Variants in RPS6KA6 observed in about 807,000 individuals in gnomAD.
The protein encoded by RPS6KA6 is ribosomal protein S6 kinase A6.
A neutral mutation model predicts 65.4 loss-of-function variants in RPS6KA6; 27 were observed. That is an observed-to-expected ratio of 0.41 (90% CI 0.30 to 0.57). The LOEUF is 0.57. Ranked by LOEUF, RPS6KA6 falls within the 20% of genes least tolerant of loss-of-function variation. The pLI is 0.24. For missense variants in RPS6KA6, 486 were observed against 555.6 expected (o/e 0.87, Z 1.26); for synonymous variants, 190 against 184.2 (o/e 1.03, Z -0.26).
At chrX:84,180,571 T>A (rs1197973048) in intron 1 of RPS6KA6, among the ~76,000 whole-genome samples, 1 of 111,993 alleles carries the variant, frequency 8.9e-6, no homozygotes, top group African/African-American at 3.2e-5. Flanking sequence ...TAATTCCTTA[T>A]TTTATTTTTC....
At chrX:84,125,434 T>C (rs2034763741) in intron 8 of RPS6KA6, among the ~76,000 whole-genome samples, 1 of 111,886 alleles carries the variant, frequency 8.9e-6, no homozygotes, top group Non-Finnish European at 1.9e-5. Context: ...TTTATCAGGT[T>C]TTTTTGCATG....
chrX:84,116,962 GA>G (rs2034580317), intron 11 of RPS6KA6, 97 bp downstream of exon 11: 1 of 528,646 alleles, frequency 1.9e-6, no homozygotes, highest in Non-Finnish European at 3.0e-6. Context: ...TCTACGTATA[GA>G]AGTAATGTGC....
intron 20 of RPS6KA6, among the ~76,000 whole-genome samples, chrX:84,070,410 G>A (rs1295158642): frequency 9.0e-6 from 1 of 110,534 alleles, no homozygotes; most frequent in Admixed American, 9.7e-5. Context: ...AGGGAGAAGG[G>A]GAGGGAGAGC....
rs187825059 is a variant in RPS6KA6 at position 84,138,158 on chromosome X, T to G, written c.502-2948A>C. 1.2e-4 allele frequency among the ~76,000 whole-genome samples: 14 copies of G among 112,172 alleles called. No individual in the cohort carries two copies. In the East Asian group the frequency reaches 3.9e-3, roughly 31 times the overall value. ...AATACTGTTTATTGAACAACCTCTT[T>G]GCCACAATTTGTGATTCTTCCTTTA... On this transcript the variant is annotated intron_variant, in intron 6 of 21. Transcript: ENST00000262752.
At chrX:84,155,747 C>A (rs909956689) in intron 3 of RPS6KA6, among the ~76,000 whole-genome samples, 2 of 112,059 alleles carry the variant, frequency 1.8e-5, no homozygotes, top group African/African-American at 6.5e-5. Context: ...TGTATTCATG[C>A]CAGCATGGGA....
In RPS6KA6 at chrX:84,160,600, A is replaced by G. The variant is rs751546576; in HGVS notation, c.141+3728T>C. 7.2e-5 allele frequency among the ~76,000 whole-genome samples: 8 copies of G among 111,811 alleles called. No individual in the cohort carries two copies. The South Asian group carries it at 3.0e-3, about 41-fold the overall frequency. On this transcript the variant is annotated intron_variant, in intron 2 of 21. Coordinates refer to ENST00000262752, the MANE Select transcript of RPS6KA6 (RefSeq NM_014496.5). The stretch of plus-strand genomic sequence containing the variant: ...AACTTGTTCATTTTTATTTAATAAT[A>G]AAACATTCATCTATTCAAACATCAG...
chrX:84,139,760 A>C (rs1007451554), intron 6 of RPS6KA6, among the ~76,000 whole-genome samples: 1 of 112,486 alleles, frequency 8.9e-6, no homozygotes, highest in African/African-American at 3.2e-5. Context: ...AAAAATCTAA[A>C]ACACAGGACA....
At chrX:84,164,443 C>A in intron 1 of RPS6KA6, 56 bp from the exon 2 acceptor site, 3 of 850,649 alleles carry the variant, frequency 3.5e-6, no homozygotes, top group Non-Finnish European at 5.2e-6. Flanking sequence ...AGAGTGATAA[C>A]TAAGAAAAAT....
intron 20 of RPS6KA6, among the ~76,000 whole-genome samples, chrX:84,067,644 G>C (rs1338178196): frequency 8.9e-6 from 1 of 111,861 alleles, no homozygotes; most frequent in African/African-American, 3.3e-5. Context: ...ACGATTGACT[G>C]ATGTACCTGA....
At chrX:84,106,325 T>C (rs748402960) in intron 15 of RPS6KA6, 40 bp downstream of exon 15, 1 of 1,154,603 alleles carries the variant, frequency 8.7e-7, no homozygotes, top group Non-Finnish European at 1.2e-6. Context: ...TTAAATTACA[T>C]GCATAAAACA....
intron 20 of RPS6KA6, among the ~76,000 whole-genome samples, chrX:84,093,409 T>C (rs1311037497): frequency 8.9e-6 from 1 of 111,971 alleles, no homozygotes; most frequent in Non-Finnish European, 1.9e-5. Flanking sequence ...GTACATGAGA[T>C]AGTTTCTTAA....
chrX:84,187,363 C>T (rs765811856), intron 1 of RPS6KA6: 21 of 116,844 alleles, frequency 1.8e-4, no homozygotes, highest in Non-Finnish European at 3.2e-4. Context: ...TACTTAGTCA[C>T]CTTGGTGTGT....
chrX:84,128,216 A>G (rs1443032102), intron 8 of RPS6KA6, among the ~76,000 whole-genome samples: 1 of 111,563 alleles, frequency 9.0e-6, no homozygotes, highest in Non-Finnish European at 1.9e-5. Flanking sequence ...TGCCACTTAC[A>G]ATAGCTAAAA....
chrX:84,172,199 A>G (rs2035694894), intron 1 of RPS6KA6, among the ~76,000 whole-genome samples: 1 of 112,137 alleles, frequency 8.9e-6, no homozygotes, highest in African/African-American at 3.2e-5. Context: ...TGCAATAAAC[A>G]TACGTGTGCA....
intron 3 of RPS6KA6, 65 bp from the exon 4 acceptor site, chrX:84,148,188 A>G (rs1248097549): frequency 3.0e-6 from 2 of 659,473 alleles, no homozygotes; most frequent in East Asian, 3.4e-5. Flanking sequence ...TGCTCTACAC[A>G]AACACACCAG....
intron 8 of RPS6KA6, among the ~76,000 whole-genome samples, chrX:84,124,488 T>C (rs2034739132): frequency 9.0e-6 from 1 of 111,532 alleles, no homozygotes; most frequent in East Asian, 2.8e-4. Flanking sequence ...CAAGTAGAAA[T>C]TCTAGAGTTG....
intron 8 of RPS6KA6, among the ~76,000 whole-genome samples, chrX:84,127,466 C>T (rs2034817284): frequency 9.0e-6 from 1 of 111,234 alleles, no homozygotes. Context: ...CAAAGTCATT[C>T]TATGAGGCAA....
At chrX:84,137,620 C>A (rs2035014384) in intron 6 of RPS6KA6, among the ~76,000 whole-genome samples, 1 of 111,880 alleles carries the variant, frequency 8.9e-6, no homozygotes, top group African/African-American at 3.2e-5. Context: ...TCCTTGATAG[C>A]ATGGAATATA....
chrX:84,149,007 C>A (rs1437850823), intron 3 of RPS6KA6, among the ~76,000 whole-genome samples: 1 of 111,794 alleles, frequency 8.9e-6, no homozygotes, highest in African/African-American at 3.3e-5. Context: ...CAAATCCTAC[C>A]GCTTTATTAA....
Sources: allele counts gnomAD v4.1 joint callset (sites outside exome capture counted in the v4.1 genomes callset), GRCh38; gene constraint gnomAD v4.1.1; transcripts MANE v1.5; gene names NCBI Gene and HGNC (gene_info 2026-07-23, HGNC 2026-07-21).